Variants in GGA3 observed in about 807,000 individuals in gnomAD.
GGA3 encodes the protein ADP-ribosylation factor-binding protein GGA3.
GGA3 carries 57 observed loss-of-function variants against 77.5 expected under a neutral mutation model. The observed-to-expected ratio is 0.74, with a 90% CI of 0.59 to 0.92. The LOEUF is 0.92. GGA3 is among the 40% of genes least tolerant of loss of function. The pLI, the probability that GGA3 is intolerant of heterozygous loss-of-function variation, is 0.00. For synonymous variants in GGA3, 416 were observed against 383.7 expected, an observed-to-expected ratio of 1.08 and a Z score of -0.98; for missense variants, 970 against 914.9, an observed-to-expected ratio of 1.06 and a Z score of -0.78.
chr17:75,259,440 G>A (rs2077268970), intron 1 of GGA3, among the ~76,000 whole-genome samples: 1 of 152,180 alleles, frequency 6.6e-6, no homozygotes, highest in South Asian at 2.1e-4. Flanking sequence ...ATTTAGTTGA[G>A]GAAACGGGAG....
In GGA3 at chr17:75,243,078, A is replaced by T. The variant is rs774823114; in HGVS notation, c.513T>A (p.Asp171Glu). 1 of 1,612,010 alleles carries T rather than the reference A, an allele frequency of 6.2e-7. No individual in the cohort carries two copies. Among genetic ancestry groups the T allele is most frequent in the Non-Finnish European group, 8.5e-7 (1 of 1,178,384 alleles). The change falls in exon 6 of 17, where the codon GAT becomes GAA. Residue 171 changes from aspartate (D) to glutamate (E), a missense_variant. By Grantham distance (45) the Asp-to-Glu change is conservative. Transcript: ENST00000537686. ...TGTCCTTTACCTTGGACTTCTCCTC[A>T]TCATCAAAAACAGGGTTTTTGGGAC... ...PPRPKNPVFD[D>E]EEKSKLLAKL...
At chr17:75,255,546 C>G (rs2077119264) in intron 1 of GGA3, among the ~76,000 whole-genome samples, 1 of 152,204 alleles carries the variant, frequency 6.6e-6, no homozygotes. Context: ...TCACCCTTAC[C>G]CCGCTCAATG....
chr17:75,240,053 C>T lies in GGA3; in HGVS notation c.1319G>A (p.Gly440Asp). ...FSPRPGTAAC[G>D]ASDAPLLQPS... ...CTGGAGCAGAGGAGCATCGGAGGCG[C>T]CACAGGCAGCGGTCCCCGGCCTGGG... The change falls in exon 13 of 17, where the codon GGC becomes GAC. Residue 440 changes from glycine to aspartate, a missense_variant. Coordinates refer to ENST00000537686, the MANE Select transcript of GGA3 (RefSeq NM_138619.4). The T allele has an allele frequency of 6.4e-7, 1 of 1,551,940 alleles. No homozygotes were observed. The highest frequency in any genetic ancestry group is 8.7e-7 in the Non-Finnish European group (1 of 1,148,378).
intron 1 of GGA3, among the ~76,000 whole-genome samples, chr17:75,258,941 C>T (rs191196905): frequency 3.6e-4 from 54 of 150,226 alleles, no homozygotes; most frequent in Middle Eastern, 3.5e-3. Context: ...CGTTTTAGCA[C>T]TGCCTTGTAT....
In GGA3 at chr17:75,237,086, T is replaced by G. The variant is rs115350643; in HGVS notation, c.*1193A>C. 6.4e-3 allele frequency: 1,496 copies of G among 233,794 alleles called. 15 individuals carry two copies. The highest frequency in any genetic ancestry group is 0.031 in the African/African-American group (1,374 of 44,718). 14.5% of individuals were successfully genotyped at this position (233,794 alleles called of 1,614,324 possible). A position where few individuals can be genotyped will look rare whatever the true frequency, so the allele number is the denominator to read the frequency against. On this transcript the variant is annotated 3_prime_UTR_variant, in exon 17 of 17. Transcript: ENST00000537686. ...TCTATGGCAGCTGGTGATTTTTTTT[T>G]TGTGACGGAGGCTTGGAGTACATGT... is the stretch of plus-strand genomic sequence containing the variant.
intron 1 of GGA3, among the ~76,000 whole-genome samples, chr17:75,255,393 T>A (rs1436160794): frequency 6.6e-6 from 1 of 152,172 alleles, no homozygotes; most frequent in Non-Finnish European, 1.5e-5. Flanking sequence ...TACAGCTACA[T>A]CTCATTGCTG....
chr17:75,252,149 C>T (rs1054777207), intron 1 of GGA3, among the ~76,000 whole-genome samples: 8 of 151,830 alleles, frequency 5.3e-5, no homozygotes, highest in African/African-American at 1.9e-4. Context: ...GCTCTTACAG[C>T]TCACTGCAGT....
At position 75,246,524 on chromosome 17, in the gene GGA3, C is replaced by G; in HGVS notation, c.186G>C (p.Ala62=). 5 of 1,610,424 alleles carry G rather than the reference C, an allele frequency of 3.1e-6. No homozygotes were observed. Among genetic ancestry groups the G allele is most frequent in the Non-Finnish European group, 4.2e-6 (5 of 1,176,686 alleles). Residue 62 remains alanine (A), a synonymous_variant, in exon 3 of 17, where the codon GCG becomes GCC. Transcript: ENST00000537686. ...HKIQSPQEWE[A]LQALTVLEAC... is the part of the protein sequence containing the mutation. Reference sequence around the variant, plus strand: ...AAGGACCTACCGTCAGGGCCTGGAGCGCCTCCCATTCCTGTGGGGACTGGA... The same window carrying G: ...AAGGACCTACCGTCAGGGCCTGGAGGGCCTCCCATTCCTGTGGGGACTGGA...
rs766263228 is a variant in GGA3 at position 75,239,439 on chromosome 17, GC to G, written c.1715del (p.Ser572ThrfsTer28). Reference protein sequence around the residue: ...FQPLSFQSQGSPPKGPELSLA... With the variant: ...FQPLSFQSQGXPPKGPELSLA... ...GGGAGAGCTCAGGCCCCTTCGGGGG[GC>G]TGCCCTGGGACTGGAAACTCAGTGG... On this transcript the variant is annotated frameshift_variant, in exon 14 of 17. Transcript: ENST00000537686. LOFTEE classifies it high-confidence loss of function. The G allele has an allele frequency of 1.3e-6, 2 of 1,578,760 alleles. No individual in the cohort carries two copies. The highest frequency in any genetic ancestry group is 1.7e-6 in the Non-Finnish European group (2 of 1,169,964).
At chr17:75,249,043 A>G (rs962446254) in intron 1 of GGA3, 2 of 922,896 alleles carry the variant, frequency 2.2e-6, no homozygotes, top group Non-Finnish European at 2.6e-6. Flanking sequence ...TTAGGTTCAT[A>G]TTTATTTATT....
chr17:75,246,848 C>G, intron 1 of GGA3, 52 bp from the exon 2 acceptor site: 1 of 1,448,584 alleles, frequency 6.9e-7, no homozygotes, highest in Non-Finnish European at 9.6e-7. Context: ...AATGAGGATG[C>G]AATGGAAGGT....
At chr17:75,240,284 A>T (rs1449841419) in intron 12 of GGA3, 58 bp downstream of exon 12, 2 of 1,282,386 alleles carry the variant, frequency 1.6e-6, no homozygotes, top group Non-Finnish European at 2.2e-6. Flanking sequence ...AGGAGACATG[A>T]CGCTGGAAAG....
intron 7 of GGA3, 103 bp downstream of exon 7, chr17:75,242,728 C>A: frequency 9.5e-7 from 1 of 1,051,036 alleles, no homozygotes; most frequent in South Asian, 1.3e-5. Context: ...GGGCAGCTGG[C>A]AGCAGGGGAG....
intron 2 of GGA3, 57 bp downstream of exon 2, chr17:75,246,655 G>A: frequency 1.3e-6 from 2 of 1,592,306 alleles, no homozygotes; most frequent in Non-Finnish European, 8.6e-7. Context: ...CTTGGCCATG[G>A]TTGTTCCCCT....
Position 75,236,738 on chromosome 17 carries a change from C to T in GGA3, c.*1541G>A, listed in dbSNP as rs2076332838. 6.5e-6 allele frequency: 1 copy of T among 153,654 alleles called. No individual in the cohort carries two copies. Among genetic ancestry groups the T allele is most frequent in the South Asian group, 2.0e-4 (1 of 4,900 alleles). 9.5% of individuals were successfully genotyped at this position (153,654 alleles called of 1,614,324 possible). A position where few individuals can be genotyped will look rare whatever the true frequency, so the allele number is the denominator to read the frequency against. On this transcript the variant is annotated 3_prime_UTR_variant, in exon 17 of 17. Coordinates refer to ENST00000537686, the MANE Select transcript of GGA3 (RefSeq NM_138619.4). Reference sequence around the variant, plus strand: ...AATAACTGTAATGTCTAGAGCATAACACAAAGTTCCATTTCCACATAGTAA... The same window carrying T: ...AATAACTGTAATGTCTAGAGCATAATACAAAGTTCCATTTCCACATAGTAA...
In GGA3 at chr17:75,238,662, T is replaced by C. The variant is rs149570351; in HGVS notation, c.2051A>G (p.Asn684Ser). The change falls in exon 16 of 17, where the codon AAT becomes AGT. Residue 684 changes from asparagine to serine, a missense_variant. Coordinates refer to ENST00000537686, the MANE Select transcript of GGA3 (RefSeq NM_138619.4). ...AAITQVMLLA[N>S]PLKEKVRLRY... The stretch of plus-strand genomic sequence containing the variant: ...TTCTTTGCTGCTCACCTTCAGTGGA[T>C]TGGCCAGCAACATGACCTGGGTGAT... 1.9e-5 allele frequency: 30 copies of C among 1,611,578 alleles called. No homozygotes were observed. In the South Asian group the frequency reaches 2.4e-4, roughly 13 times the overall value.
At chr17:75,252,132 T>TG (rs2076987992) in intron 1 of GGA3, among the ~76,000 whole-genome samples, 1 of 151,612 alleles carries the variant, frequency 6.6e-6, no homozygotes, top group Non-Finnish European at 1.5e-5. Context: ...CAGGTTGGAG[T>TG]GCAGTGGCTC....
In GGA3 at chr17:75,241,463, T is replaced by C; in HGVS notation, c.883A>G (p.Thr295Ala). 1 of 1,614,092 alleles carries C rather than the reference T, an allele frequency of 6.2e-7. No individual in the cohort carries two copies. Among genetic ancestry groups the C allele is most frequent in the Non-Finnish European group, 8.5e-7 (1 of 1,179,972 alleles). The change falls in exon 10 of 17, where the codon ACA (threonine) becomes GCA (alanine). Residue 295 changes from threonine to alanine, a missense_variant. Coordinates refer to ENST00000537686, the MANE Select transcript of GGA3 (RefSeq NM_138619.4). ...NLSRVINSYK[T>A]IIEGQVINGE... The stretch of plus-strand genomic sequence containing the variant: ...TTGATGACCTGCCCTTCAATAATTG[T>C]TTTGTAAGAGTTGATGACCCGGGAG...
intron 1 of GGA3, among the ~76,000 whole-genome samples, chr17:75,251,635 G>A (rs566657660): frequency 3.4e-5 from 5 of 148,488 alleles, no homozygotes; most frequent in African/African-American, 1.0e-4. Flanking sequence ...TAACCCAGGC[G>A]GCAGAGGTTG....
Sources: allele counts gnomAD v4.1 joint callset (sites outside exome capture counted in the v4.1 genomes callset), GRCh38; gene constraint gnomAD v4.1.1; transcripts MANE v1.5; gene names NCBI Gene and HGNC (gene_info 2026-07-23, HGNC 2026-07-21).